Variants in RAPGEF6 observed in about 807,000 individuals in gnomAD.
RAPGEF6 encodes Rap guanine nucleotide exchange factor 6, also known as PDZ domain containing guanine nucleotide exchange factor (GEF) 2.
Under a neutral mutation model 171.4 loss-of-function variants are expected in RAPGEF6, and 56 were observed. The ratio of observed to expected loss-of-function variants is 0.33; its 90% CI spans 0.26 to 0.41. RAPGEF6 has a LOEUF of 0.41. Ranked by LOEUF, RAPGEF6 falls within the 10% of genes least tolerant of loss-of-function variation. The pLI is 1.00. For missense variants in RAPGEF6, 1,674 were observed against 1,921.4 expected (o/e 0.87, Z 2.41); for synonymous variants, 692 against 650.1 (o/e 1.06, Z -0.98).
At chr5:131,584,001 A>G (rs1246256903) in intron 4 of RAPGEF6, among the ~76,000 whole-genome samples, 1 of 152,246 alleles carries the variant, frequency 6.6e-6, no homozygotes, top group Non-Finnish European at 1.5e-5. Flanking sequence ...ACATTGATGA[A>G]AAATGAGTAA....
At chr5:131,611,632 A>G (rs1322758450) in intron 1 of RAPGEF6, among the ~76,000 whole-genome samples, 2 of 152,210 alleles carry the variant, frequency 1.3e-5, no homozygotes. Context: ...GGATCATGCC[A>G]CTGCACTCCA....
chr5:131,524,037 A>G lies in RAPGEF6; in HGVS notation c.496-2516T>C, dbSNP rs1758693833. Among the ~76,000 whole-genome samples the G allele has an allele frequency of 2.0e-5, 3 of 152,322 alleles. 1 individual carries two copies. The highest frequency in any genetic ancestry group is 4.1e-4 in the South Asian group (2 of 4,830). ...TGATATCTCCAAGAGCTAAAATTCTATACCTAGCAAAAACAGTCCTCAAAA... is the reference window on the plus strand; with the variant it reads ...TGATATCTCCAAGAGCTAAAATTCTGTACCTAGCAAAAACAGTCCTCAAAA... On this transcript the variant is annotated intron_variant, in intron 6 of 27. Coordinates refer to ENST00000509018, the MANE Select transcript of RAPGEF6 (RefSeq NM_016340.6).
At chr5:131,496,807 A>G (rs1344042249) in intron 12 of RAPGEF6, among the ~76,000 whole-genome samples, 1 of 152,186 alleles carries the variant, frequency 6.6e-6, no homozygotes, top group African/African-American at 2.4e-5. Flanking sequence ...GCTGCTACGA[A>G]TATTTACGTC....
intron 15 of RAPGEF6, 76 bp downstream of exon 15, chr5:131,489,470 T>C: frequency 2.5e-6 from 2 of 807,078 alleles, no homozygotes; most frequent in South Asian, 3.4e-5. Context: ...TTTACTATCT[T>C]TTCTTCCACT....
intron 4 of RAPGEF6, among the ~76,000 whole-genome samples, chr5:131,587,445 C>A (rs1439589555): frequency 1.3e-5 from 2 of 152,182 alleles, no homozygotes; most frequent in African/African-American, 4.8e-5. Flanking sequence ...GAAGCTGCTT[C>A]TAGGTAATGA....
intron 23 of RAPGEF6, among the ~76,000 whole-genome samples, chr5:131,441,608 A>G (rs1752389796): frequency 6.6e-6 from 1 of 152,224 alleles, no homozygotes; most frequent in African/African-American, 2.4e-5. Context: ...TACCCCTGGC[A>G]TAAGAAGAAG....
At chr5:131,472,977 T>A (rs991442088) in intron 16 of RAPGEF6, 3 of 480,862 alleles carry the variant, frequency 6.2e-6, no homozygotes, top group Non-Finnish European at 1.1e-5. Flanking sequence ...TTCTACTACA[T>A]CCTAATTAAA....
chr5:131,630,027 T>C (rs2150043065), intron 1 of RAPGEF6, among the ~76,000 whole-genome samples: 1 of 152,338 alleles, frequency 6.6e-6, no homozygotes, highest in East Asian at 1.9e-4. Context: ...CTGACACCAA[T>C]TTTGAAAGAA....
intron 27 of RAPGEF6, among the ~76,000 whole-genome samples, chr5:131,428,598 T>C (rs1580810039): frequency 6.6e-6 from 1 of 151,984 alleles, no homozygotes; most frequent in Non-Finnish European, 1.5e-5. Context: ...GTAGCTGGGA[T>C]TACAGGCATG....
chr5:131,457,759 A>G (rs982752484), intron 19 of RAPGEF6, among the ~76,000 whole-genome samples: 2 of 152,178 alleles, frequency 1.3e-5, no homozygotes, highest in African/African-American at 2.4e-5. Context: ...GCTATCTGTG[A>G]GGAGCCATGG....
At chr5:131,436,282 C>T (rs947585162) in intron 24 of RAPGEF6, 4 of 1,537,398 alleles carry the variant, frequency 2.6e-6, no homozygotes, top group Non-Finnish European at 3.5e-6. Context: ...GGCTGTGCTC[C>T]TGGTAATCTG....
At chr5:131,463,682 TG>T (rs1754113344) in intron 18 of RAPGEF6, 1 of 893,120 alleles carries the variant, frequency 1.1e-6, no homozygotes, top group Non-Finnish European at 1.3e-6. Context: ...AAAATTTTCC[TG>T]CATATTCATT....
At chr5:131,463,104 C>T (rs1442488636) in intron 18 of RAPGEF6, among the ~76,000 whole-genome samples, 1 of 152,148 alleles carries the variant, frequency 6.6e-6, no homozygotes, top group East Asian at 1.9e-4. Flanking sequence ...CTCAAGGTCA[C>T]ATAGCCAGAG....
chr5:131,464,115 A>C lies in RAPGEF6; in HGVS notation c.2406T>G (p.Pro802=). The C allele has an allele frequency of 6.2e-7, 1 of 1,613,914 alleles. No homozygotes were observed. Among genetic ancestry groups the C allele is most frequent in the Non-Finnish European group, 8.5e-7 (1 of 1,179,892 alleles). ...TYSLCEVSVT[P]EGVIKQRRLP... ...GTCTTCTCTGTTTTATGACACCCTC[A>C]GGAGTAACAGAAACTTCACAGAGAG... Residue 802 remains proline (P), a synonymous_variant, in exon 18 of 28, where the codon CCT becomes CCG. Transcript: ENST00000509018.
chr5:131,468,201 G>A (rs549872810), intron 17 of RAPGEF6, among the ~76,000 whole-genome samples: 115 of 151,392 alleles, frequency 7.6e-4, no homozygotes, highest in African/African-American at 2.7e-3. Flanking sequence ...GCGTGGTGGC[G>A]GGCACCTATA....
intron 18 of RAPGEF6, among the ~76,000 whole-genome samples, chr5:131,462,625 C>T (rs1580861835): frequency 6.6e-6 from 1 of 152,306 alleles, no homozygotes; most frequent in East Asian, 1.9e-4. Flanking sequence ...TTGTTAAATA[C>T]AAAACCTCAT....
At chr5:131,518,156 A>G (rs1478534974) in intron 7 of RAPGEF6, among the ~76,000 whole-genome samples, 1 of 151,980 alleles carries the variant, frequency 6.6e-6, no homozygotes, top group African/African-American at 2.4e-5. Flanking sequence ...ATACAGGTAT[A>G]TATATTTATT....
At chr5:131,547,697 A>G (rs1326187292) in intron 6 of RAPGEF6, among the ~76,000 whole-genome samples, 1 of 151,750 alleles carries the variant, frequency 6.6e-6, no homozygotes, top group African/African-American at 2.4e-5. Flanking sequence ...TTTAGTAGAG[A>G]TGGGGGTTTC....
intron 1 of RAPGEF6, among the ~76,000 whole-genome samples, chr5:131,609,153 G>T (rs1398095953): frequency 6.6e-6 from 1 of 152,034 alleles, no homozygotes; most frequent in Non-Finnish European, 1.5e-5. Flanking sequence ...GCAGTCTGAG[G>T]CCCTCATTGG....
Sources: allele counts gnomAD v4.1 joint callset (sites outside exome capture counted in the v4.1 genomes callset), GRCh38; gene constraint gnomAD v4.1.1; transcripts MANE v1.5; gene names NCBI Gene and HGNC (gene_info 2026-07-23, HGNC 2026-07-21).